Variants in EVC observed in about 807,000 individuals in gnomAD.
EVC encodes evC complex member EVC.
A neutral mutation model predicts 118.9 loss-of-function variants in EVC; 116 were observed. The ratio of observed to expected loss-of-function variants is 0.98; its 90% CI spans 0.84 to 1.14. The LOEUF (loss-of-function observed/expected upper bound fraction) is 1.14. Ranked by LOEUF, EVC falls within the 50% of genes most tolerant of loss-of-function variation. The pLI is 0.00. For synonymous variants in EVC, 619 were observed against 534.7 expected, an observed-to-expected ratio of 1.16 and a Z score of -2.18; for missense variants, 1,401 against 1,246.4, an observed-to-expected ratio of 1.12 and a Z score of -1.87.
intron 11 of EVC, among the ~76,000 whole-genome samples, chr4:5,781,114 T>C (rs1735539598): frequency 6.6e-6 from 1 of 152,174 alleles, no homozygotes; most frequent in African/African-American, 2.4e-5. Context: ...CTAAGCCACA[T>C]TGCACCTAAT....
the EVC span, chr4:5,828,386 G>A: frequency 2.0e-6 from 3 of 1,468,752 alleles, no homozygotes; most frequent in Non-Finnish European, 2.7e-6. Flanking sequence ...GGTTCCCAGG[G>A]CGATGACATT....
At chr4:5,739,348 T>C (rs1029476194) in intron 5 of EVC, among the ~76,000 whole-genome samples, 1 of 152,142 alleles carries the variant, frequency 6.6e-6, no homozygotes, top group African/African-American at 2.4e-5. Flanking sequence ...CATTGGCAAA[T>C]ATAATGAAGG....
chr4:5,747,797 C>T (rs867749574), intron 7 of EVC, among the ~76,000 whole-genome samples: 1 of 152,150 alleles, frequency 6.6e-6, no homozygotes, highest in East Asian at 1.9e-4. Context: ...TTAAAATTGC[C>T]AAAGCTTCCA....
the EVC span, chr4:5,825,534 TG>T: frequency 6.3e-7 from 1 of 1,586,940 alleles, no homozygotes; most frequent in Non-Finnish European, 8.5e-7. This position sits in a 1 kb window ranked among gnomAD's most constrained non-coding sequence, Gnocchi z 4.4. Flanking sequence ...TTCTGATGGG[TG>T]GGGGCTGGTG....
intron 2 of EVC, among the ~76,000 whole-genome samples, chr4:5,728,404 GA>G (rs1158950990): frequency 1.3e-5 from 2 of 151,708 alleles, no homozygotes; most frequent in East Asian, 3.9e-4. Flanking sequence ...GAATGCTTGT[GA>G]TTTTTGTACA....
rs1017323290 is a variant in EVC, at chr4:5,742,145, A to G, written c.801+331A>G. ...GTTATAGCTATGTATACTACTTTGT[A>G]TTCTATTCTCAGTCTTTTATGGAAA... On this transcript the variant is annotated intron_variant, in intron 6 of 20. Transcript: ENST00000264956. The surrounding 1 kb of genome is among the most constrained non-coding windows in gnomAD (Gnocchi z 5.2). Among the ~76,000 whole-genome samples, 4 of 152,122 alleles carry G rather than the reference A, an allele frequency of 2.6e-5. No homozygotes were observed. Among genetic ancestry groups the G allele is most frequent in the African/African-American group, 7.2e-5 (3 of 41,414 alleles).
intron 5 of EVC, 74 bp downstream of exon 5, chr4:5,733,509 A>T: frequency 7.9e-7 from 1 of 1,265,186 alleles, no homozygotes; most frequent in South Asian, 1.2e-5. Flanking sequence ...GTGTGCAGTG[A>T]GTCCCAGAGA....
chr4:5,797,042 AG>A lies in EVC; in HGVS notation c.1911del (p.His638MetfsTer22). 2 of 1,613,198 alleles carry A rather than the reference AG, an allele frequency of 1.2e-6. No individual in the cohort carries two copies. Among genetic ancestry groups the A allele is most frequent in the Non-Finnish European group, 1.7e-6 (2 of 1,179,884 alleles). On this transcript the variant is annotated frameshift_variant, in exon 14 of 21. Coordinates refer to ENST00000264956, the MANE Select transcript of EVC (RefSeq NM_153717.3). LOFTEE classifies it high-confidence loss of function. Reference protein sequence around the residue: ...LTEESTRCVLQGHDLLLRSAL... With the variant: ...LTEESTRCVLXGHDLLLRSAL... ...CAAAGGTCCACGCGGTGTGTCCTGC[AG>A]GGGCATGACCTGCTGTTGCGCTCAG... is the stretch of plus-strand genomic sequence containing the variant.
chr4:5,801,969 C>T lies in EVC; in HGVS notation c.2324C>T (p.Ala775Val). ...DDFKRTLMEA[A>V]VESVYVTSAG... ...CCTCAGAGGACACTGATGGAGGCGGCAGTGGAGAGCGTCTACGTGACCAGC... is the reference window on the plus strand; with the variant it reads ...CCTCAGAGGACACTGATGGAGGCGGTAGTGGAGAGCGTCTACGTGACCAGC... Residue 775 changes from alanine to valine, a missense_variant, in exon 16 of 21, where the codon GCA becomes GTA. Coordinates refer to ENST00000264956, the MANE Select transcript of EVC (RefSeq NM_153717.3). 6.2e-7 allele frequency: 1 copy of T among 1,613,716 alleles called. No individual in the cohort carries two copies. Among genetic ancestry groups the T allele is most frequent in the Non-Finnish European group, 8.5e-7 (1 of 1,179,980 alleles).
rs375414448 is a variant in EVC, at chr4:5,745,284, C to T, written c.882C>T (p.Ile294=). ...EMSGAGDSEY[I]TLADVEKKER... is the part of the protein sequence containing the mutation. ...CGGGGGCTGGTGACTCTGAGTACATCACCCTGGCTGATGTGGAAAAGAAGG... is the reference window on the plus strand; with the variant it reads ...CGGGGGCTGGTGACTCTGAGTACATTACCCTGGCTGATGTGGAAAAGAAGG... The change falls in exon 7 of 21, where the codon ATC becomes ATT. Residue 294 remains isoleucine (I), a synonymous_variant. Transcript: ENST00000264956. 10 of 1,613,844 alleles carry T rather than the reference C, an allele frequency of 6.2e-6. No homozygotes were observed. The highest frequency in any genetic ancestry group is 1.7e-5 in the Admixed American group (1 of 59,994).
At chr4:5,764,522 C>A (rs199908887) in intron 11 of EVC, among the ~76,000 whole-genome samples, 53,218 of 143,948 alleles carry the variant, frequency 0.37, 9,104 homozygotes, top group Admixed American at 0.45. Flanking sequence ...GCTGTGAATC[C>A]ATCTGGTCCT....
intron 5 of EVC, among the ~76,000 whole-genome samples, chr4:5,740,385 C>T (rs568663971): frequency 8.6e-5 from 13 of 150,344 alleles, no homozygotes; most frequent in African/African-American, 1.2e-4. Flanking sequence ...GTGGGAGAAT[C>T]GCTTGAACCC....
At chr4:5,800,346 A>AAAAC (rs149801082) in intron 15 of EVC, among the ~76,000 whole-genome samples, 2 of 152,226 alleles carry the variant, frequency 1.3e-5, no homozygotes, top group East Asian at 1.9e-4. Flanking sequence ...CTCTGTCTAA[A>AAAAC]AAACAAACAA....
chr4:5,828,153 C>T, the EVC span: 1 of 985,442 alleles, frequency 1.0e-6, no homozygotes, highest in Non-Finnish European at 1.2e-6. Flanking sequence ...AGGAGGATCA[C>T]AGCACCTCCC....
intron 11 of EVC, among the ~76,000 whole-genome samples, chr4:5,770,551 G>C (rs999808920): frequency 6.6e-6 from 1 of 152,188 alleles, no homozygotes; most frequent in Non-Finnish European, 1.5e-5. Context: ...ATTCTAGTGG[G>C]AAGTAGTGAT....
intron 5 of EVC, among the ~76,000 whole-genome samples, chr4:5,734,350 C>G (rs1409902108): frequency 1.3e-5 from 2 of 152,120 alleles, no homozygotes; most frequent in Admixed American, 1.3e-4. Context: ...GCAAGAACAT[C>G]ACGTTGGAGG....
In EVC at chr4:5,729,307, G is replaced by A. The variant is rs1421283944; in HGVS notation, c.301G>A (p.Glu101Lys). 2.5e-6 allele frequency: 4 copies of A among 1,614,024 alleles called. No homozygotes were observed. Among genetic ancestry groups the A allele is most frequent in the Non-Finnish European group, 3.4e-6 (4 of 1,180,000 alleles). Residue 101 changes from glutamate (E) to lysine (K), a missense_variant and splice_region_variant, in exon 3 of 21, where the codon GAA becomes AAA. Glu to Lys is a moderately conservative substitution (Grantham distance 56). Transcript: ENST00000264956. ...TGCCGTTTGTGTCTTTCCCTCCCAG[G>A]AATGTGAGCCGCCTTCCAACAGCAA... ...QMSKDKEAVDECEPPSNSNIT... is the reference protein window; with the variant it reads ...QMSKDKEAVDKCEPPSNSNIT...
chr4:5,744,328 G>C (rs1358445825), intron 6 of EVC, among the ~76,000 whole-genome samples: 1 of 152,086 alleles, frequency 6.6e-6, no homozygotes, highest in Admixed American at 6.5e-5. Flanking sequence ...CCTCAGCTTG[G>C]GTCTTCAATA....
At chr4:5,781,732 T>C (rs1324729690) in intron 11 of EVC, among the ~76,000 whole-genome samples, 1 of 152,118 alleles carries the variant, frequency 6.6e-6, no homozygotes, top group Non-Finnish European at 1.5e-5. Context: ...CCCAGCTATT[T>C]GGGAGGCTGA....
Sources: allele counts gnomAD v4.1 joint callset (sites outside exome capture counted in the v4.1 genomes callset), GRCh38; gene constraint gnomAD v4.1.1; non-coding constraint Gnocchi (gnomAD v3.1); transcripts MANE v1.5; gene names NCBI Gene and HGNC (gene_info 2026-07-23, HGNC 2026-07-21).